SWI5: variants seen among roughly 807,000 people sequenced by gnomAD.
SWI5 encodes the protein SWI5 homologous recombination repair protein.
In SWI5, 12 loss-of-function variants were observed where a neutral mutation model predicts 17.0. The observed-to-expected ratio is 0.71, with a 90% CI of 0.45 to 1.14. The LOEUF (loss-of-function observed/expected upper bound fraction) is 1.14. Ranked by LOEUF, SWI5 falls within the 50% of genes most tolerant of loss-of-function variation. The probability of loss-of-function intolerance (pLI) is 0.00; values close to 1 mark genes in which losing one functional copy is unlikely to be tolerated. For synonymous variants in SWI5, 61 were observed against 64.0 expected (o/e 0.95, Z 0.22); for missense variants, 158 against 162.2 (o/e 0.97, Z 0.14).
chr9:128,276,693 G>C lies in SWI5; in HGVS notation c.63-14G>C. 1.2e-6 allele frequency: 2 copies of C among 1,613,852 alleles called. No homozygotes were observed. The highest frequency in any genetic ancestry group is 1.7e-6 in the Non-Finnish European group (2 of 1,179,972). Reference sequence around the variant, plus strand: ...GTGGGTCCAATCAGACTTTCCCCTCGGATTCCTCTCTAGGACTGAACCAAG... The same window carrying C: ...GTGGGTCCAATCAGACTTTCCCCTCCGATTCCTCTCTAGGACTGAACCAAG... On this transcript the variant is annotated splice_polypyrimidine_tract_variant and intron_variant, in intron 1 of 4. Transcript: ENST00000418976.
chr9:128,276,152 C>A, upstream of SWI5: 3 of 1,566,290 alleles, frequency 1.9e-6, no homozygotes, highest in Non-Finnish European at 2.6e-6. Flanking sequence ...GGCTATGCAG[C>A]GGCGTGGCCA....
chr9:128,278,307 G>A (rs868162211), intron 2 of SWI5, among the ~76,000 whole-genome samples: 4 of 151,788 alleles, frequency 2.6e-5, no homozygotes, highest in East Asian at 1.9e-4. Context: ...AGTGACTCAC[G>A]CCTATAATCC....
chr9:128,276,095 G>A, upstream of SWI5: 1 of 1,571,926 alleles, frequency 6.4e-7, no homozygotes, highest in Non-Finnish European at 8.6e-7. Context: ...TGGCCTCAAA[G>A]ATCAAAGCCC....
exon 1 of SWI5, chr9:128,276,327 C>G (rs747263258): frequency 1.3e-5 from 21 of 1,613,088 alleles, no homozygotes; most frequent in Non-Finnish European, 1.8e-5. Flanking sequence ...AGAGGTCGCT[C>G]TCCGACTCCC....
Position 128,288,647 on chromosome 9 carries a change from T to C in SWI5, c.329-5T>C. On this transcript the variant is annotated splice_region_variant and splice_polypyrimidine_tract_variant and intron_variant, in intron 4 of 4. Coordinates refer to ENST00000418976, the Ensembl canonical transcript of SWI5. ...GCACATTCAGCCTGCCTTCCTTCCT[T>C]TCAGCTGTGATCCGAGGTGTCACCA... is the stretch of plus-strand genomic sequence containing the variant. 6.2e-7 allele frequency: 1 copy of C among 1,614,128 alleles called. No homozygotes were observed. The highest frequency in any genetic ancestry group is 8.5e-7 in the Non-Finnish European group (1 of 1,180,014).
chr9:128,288,614 TC>T (rs757754175), intron 4 of SWI5, 37 bp from the exon 5 acceptor site: 1 of 1,611,604 alleles, frequency 6.2e-7, no homozygotes, highest in South Asian at 1.1e-5. Context: ...CTCCCACCTC[TC>T]CCCACTGCAC....
At position 128,280,667 on chromosome 9, in the gene SWI5, G is replaced by A. The variant is rs993422519; in HGVS notation, c.112-3843G>A. Among the ~76,000 whole-genome samples the A allele has an allele frequency of 1.2e-4, 18 of 151,982 alleles. 1 individual carries two copies. The highest frequency in any genetic ancestry group is 9.2e-4 in the Admixed American group (14 of 15,270). On this transcript the variant is annotated intron_variant, in intron 2 of 4. Transcript: ENST00000418976. ...CGACTAGCTGGGACTACAGGCGCCC[G>A]CCACCACGCCCAGCTAATTTTTTGT...
At chr9:128,276,595 A>T in intron 1 of SWI5, 112 bp from the exon 2 acceptor site, 1 of 1,607,672 alleles carries the variant, frequency 6.2e-7, no homozygotes, top group Non-Finnish European at 8.5e-7. Context: ...AGATGGATCC[A>T]GTCCCTGGCG....
At chr9:128,279,973 G>A (rs776914788) in intron 2 of SWI5, among the ~76,000 whole-genome samples, 2 of 152,034 alleles carry the variant, frequency 1.3e-5, no homozygotes, top group South Asian at 4.1e-4. Flanking sequence ...TATACTTGCC[G>A]GTTATTCTTA....
At chr9:128,277,273 C>T (rs529201872) in intron 2 of SWI5, among the ~76,000 whole-genome samples, 1 of 152,208 alleles carries the variant, frequency 6.6e-6, no homozygotes, top group South Asian at 2.1e-4. Context: ...TCGTGAGGGC[C>T]GGGTGCAGTG....
intron 2 of SWI5, among the ~76,000 whole-genome samples, chr9:128,283,386 A>G (rs1270042620): frequency 1.3e-5 from 2 of 152,236 alleles, no homozygotes; most frequent in African/African-American, 4.8e-5. Context: ...AATCCCAGCT[A>G]TTCAGGAAGC....
At chr9:128,281,960 G>A (rs1179504224) in intron 2 of SWI5, among the ~76,000 whole-genome samples, 1 of 152,232 alleles carries the variant, frequency 6.6e-6, no homozygotes, top group Non-Finnish European at 1.5e-5. Context: ...GCACATGCCT[G>A]TTGTGCTACT....
At chr9:128,276,873 T>C (rs2131411304) in intron 2 of SWI5, 118 bp downstream of exon 2, 1 of 1,089,384 alleles carries the variant, frequency 9.2e-7, no homozygotes, top group Non-Finnish European at 1.3e-6. Context: ...CCATATCTTC[T>C]CCCAGTCGAC....
At chr9:128,275,545 G>A (rs1248233938), upstream of SWI5, 2 of 1,267,954 alleles carry the variant, frequency 1.6e-6, no homozygotes, top group Middle Eastern at 2.4e-4. Context: ...CGGGCCCAAA[G>A]TCACTGGCGA....
At chr9:128,286,023 G>A in exon 4 of SWI5, 2 of 1,613,182 alleles carry the variant, frequency 1.2e-6, no homozygotes, top group Non-Finnish European at 1.7e-6. Context: ...AGATGCTGAT[G>A]GGCAAACTAG....
upstream of SWI5, chr9:128,275,902 C>A: frequency 6.4e-7 from 1 of 1,567,156 alleles, no homozygotes; most frequent in Non-Finnish European, 8.7e-7. Flanking sequence ...CCTTTTTCTT[C>A]GCTGCGGCCA....
At chr9:128,287,848 A>T (rs1448785184) in intron 4 of SWI5, among the ~76,000 whole-genome samples, 2 of 151,662 alleles carry the variant, frequency 1.3e-5, no homozygotes, top group Non-Finnish European at 2.9e-5. Context: ...AGGCTGAGCC[A>T]CCGCACCTGG....
At chr9:128,276,189 G>C (rs1226366178), upstream of SWI5, 1 of 1,594,070 alleles carries the variant, frequency 6.3e-7, no homozygotes, top group Non-Finnish European at 8.5e-7. Flanking sequence ...CACAACAAAA[G>C]CTGCGCACGC....
At chr9:128,275,411 G>C, upstream of SWI5, 2 of 1,294,488 alleles carry the variant, frequency 1.5e-6, no homozygotes. Context: ...CTCCGCGATG[G>C]GGGAGGGGAC....
Sources: gnomAD v4.1 joint callset for allele counts (sites outside exome capture counted in the v4.1 genomes callset) on GRCh38, gnomAD v4.1.1 for gene constraint, MANE v1.5 for transcripts, NCBI Gene and HGNC (gene_info 2026-07-23, HGNC 2026-07-21) for gene names.